The following UMODL1 variants were observed in gnomAD, a reference collection of about 807,000 sequenced individuals.
The protein encoded by UMODL1 is uromodulin like 1.
A neutral mutation model predicts 136.3 loss-of-function variants in UMODL1; 128 were observed. The observed-to-expected ratio is 0.94, with a 90% CI of 0.81 to 1.09. UMODL1 has a LOEUF of 1.09. UMODL1 is among the 50% of genes least tolerant of loss of function. The probability of loss-of-function intolerance (pLI) is 0.00; values close to 1 mark genes in which losing one functional copy is unlikely to be tolerated. For synonymous variants in UMODL1, 721 were observed against 720.0 expected (o/e 1.00, Z -0.02); for missense variants, 1,766 against 1,725.6 (o/e 1.02, Z -0.41).
chr21:42,101,579 G>C, intron 7 of UMODL1: 2 of 386,520 alleles, frequency 5.2e-6, no homozygotes, highest in Admixed American at 3.1e-5. Flanking sequence ...GTGCATGCTG[G>C]GTTTCCTTTC....
Position 42,137,432 on chromosome 21 carries a change from C to T in UMODL1, c.3776-7C>T. ...GATCTCTCACCTGTGCCTGTCTCCT[C>T]CCCGAGGTGAGCCTCCTCATGCAGA... On this transcript the variant is annotated splice_polypyrimidine_tract_variant and splice_region_variant and intron_variant, in intron 21 of 22. Coordinates refer to ENST00000408910, the MANE Select transcript of UMODL1 (RefSeq NM_001004416.3). 6.2e-7 allele frequency: 1 copy of T among 1,613,894 alleles called. No homozygotes were observed. The highest frequency in any genetic ancestry group is 8.5e-7 in the Non-Finnish European group (1 of 1,179,914).
intron 5 of UMODL1, 113 bp from the exon 6 acceptor site, chr21:42,090,185 G>A (rs934488142): frequency 7.2e-5 from 105 of 1,458,058 alleles, no homozygotes; most frequent in Non-Finnish European, 9.4e-5. Flanking sequence ...CCCCTCAACC[G>A]ACGTGGCACA....
chr21:42,075,978 G>T, intron 1 of UMODL1, 27 bp from the exon 2 acceptor site: 6 of 1,610,710 alleles, frequency 3.7e-6, no homozygotes, highest in Non-Finnish European at 5.1e-6. Context: ...GGTGTTCTCA[G>T]TCGCCTTCTT....
At chr21:42,072,929 G>T (rs1254646564) in intron 1 of UMODL1, among the ~76,000 whole-genome samples, 2 of 152,224 alleles carry the variant, frequency 1.3e-5, no homozygotes, top group Admixed American at 1.3e-4. Flanking sequence ...AAGAAGCCAG[G>T]CTTGGGATGG....
intron 2 of UMODL1, 34 bp from the exon 3 acceptor site, chr21:42,084,050 C>A: frequency 6.2e-7 from 1 of 1,603,830 alleles, no homozygotes; most frequent in Non-Finnish European, 8.5e-7. Flanking sequence ...TGTCTTTTAT[C>A]GCCAGTATCA....
At position 42,099,112 on chromosome 21, in the gene UMODL1, T is replaced by G; in HGVS notation, c.1118T>G (p.Leu373Arg). 2 of 1,614,052 alleles carry G rather than the reference T, an allele frequency of 1.2e-6. No individual in the cohort carries two copies. Among genetic ancestry groups the G allele is most frequent in the Non-Finnish European group, 1.7e-6 (2 of 1,180,000 alleles). ...LAVAGLEAGV[L>R]YRVKTSYQGC... ...GTGGCTGGGCTGGAGGCTGGAGTGC[T>G]GTACAGGGTGAAGACCAGCTACCAG... The change falls in exon 7 of 23, where the codon CTG (leucine) becomes CGG (arginine). Residue 373 changes from leucine (L) to arginine (R), a missense_variant. By Grantham distance (102) the Leu-to-Arg change is moderately radical. Coordinates refer to ENST00000408910, the MANE Select transcript of UMODL1 (RefSeq NM_001004416.3). The surrounding 1 kb of genome is among the most constrained non-coding windows in gnomAD (Gnocchi z 4.1).
intron 7 of UMODL1, among the ~76,000 whole-genome samples, chr21:42,100,265 G>A (rs950403881): frequency 1.1e-4 from 16 of 152,140 alleles, no homozygotes; most frequent in Non-Finnish European, 2.2e-4. Flanking sequence ...TCAGCAGAGC[G>A]TACAGAGCAT....
At position 42,085,109 on chromosome 21, in the gene UMODL1, A is replaced by G. The variant is rs1056179680; in HGVS notation, c.482-182A>G. Among the ~76,000 whole-genome samples the G allele has an allele frequency of 1.3e-5, 2 of 152,024 alleles. No homozygotes were observed. The highest frequency in any genetic ancestry group is 3.9e-4 in the East Asian group (2 of 5,178). ...AGGGACATTAGGATGGAGAGGAGCG[A>G]GGGGCGGGCAGTGAGGACATCCCCC... On this transcript the variant is annotated intron_variant, in intron 3 of 22. Coordinates refer to ENST00000408910, the MANE Select transcript of UMODL1 (RefSeq NM_001004416.3). This position sits in a 1 kb window ranked among gnomAD's most constrained non-coding sequence, Gnocchi z 4.5.
At chr21:42,129,678 A>T in intron 20 of UMODL1, 35 bp from the exon 21 acceptor site, 1 of 1,535,426 alleles carries the variant, frequency 6.5e-7, no homozygotes, top group Non-Finnish European at 8.8e-7. Flanking sequence ...TGTTCAATTA[A>T]TTTGACGTTT....
intron 1 of UMODL1, among the ~76,000 whole-genome samples, chr21:42,073,007 AGTGTGTGTGTGTGTGCGCGCGCGCGTGT>A (rs796806408): frequency 7.3e-5 from 11 of 151,114 alleles, no homozygotes; most frequent in African/African-American, 2.7e-4. Flanking sequence ...ACAGGAGATG[AGTGTGTGTGTGTGTGCGCGCGCGCGTGT>A]GTGTGTGTGC....
At chr21:42,081,672 C>T (rs2066363531) in intron 2 of UMODL1, among the ~76,000 whole-genome samples, 1 of 152,126 alleles carries the variant, frequency 6.6e-6, no homozygotes, top group Admixed American at 6.5e-5. Flanking sequence ...AGGGAAGTTG[C>T]AAAGATAATG....
rs773099640 is a variant in UMODL1 at position 42,076,231 on chromosome 21, C to A, written c.303C>A (p.Gly101=). Reference sequence around the variant, plus strand: ...GCTGTGAGGGCTATGAACAGCTCGGCCTCTACTGTGTCTTGCGTGAGTCCA... The same window carrying A: ...GCTGTGAGGGCTATGAACAGCTCGGACTCTACTGTGTCTTGCGTGAGTCCA... ...TDCCEGYEQL[G]LYCVLPLNQS... Residue 101 remains glycine (G), a synonymous_variant, in exon 2 of 23, where the codon GGC becomes GGA. Coordinates refer to ENST00000408910, the MANE Select transcript of UMODL1 (RefSeq NM_001004416.3). 57 of 1,614,120 alleles carry A rather than the reference C, an allele frequency of 3.5e-5. No individual in the cohort carries two copies. In the East Asian group the frequency reaches 1.1e-3, roughly 32 times the overall value.
intron 1 of UMODL1, among the ~76,000 whole-genome samples, chr21:42,073,743 G>A (rs936597676): frequency 6.6e-6 from 1 of 152,200 alleles, no homozygotes; most frequent in Admixed American, 6.5e-5. Context: ...CAGAGATGCT[G>A]CCCCAGTGGA....
chr21:42,135,562 G>C (rs2067194412), intron 21 of UMODL1, among the ~76,000 whole-genome samples: 1 of 152,190 alleles, frequency 6.6e-6, no homozygotes, highest in African/African-American at 2.4e-5. Flanking sequence ...TGCATCCTCA[G>C]GGCGGCACCC....
intron 6 of UMODL1, among the ~76,000 whole-genome samples, chr21:42,090,740 T>C (rs1222924009): frequency 6.6e-6 from 1 of 152,252 alleles, no homozygotes; most frequent in Non-Finnish European, 1.5e-5. Flanking sequence ...TTGTTAACAT[T>C]GTTCTCGAAC....
chr21:42,072,511 G>A (rs2066242760), intron 1 of UMODL1, among the ~76,000 whole-genome samples: 1 of 152,168 alleles, frequency 6.6e-6, no homozygotes, highest in Non-Finnish European at 1.5e-5. Context: ...AGCTGGAGAA[G>A]GTCTTAGGAG....
chr21:42,083,453 C>T (rs149896652), intron 2 of UMODL1, among the ~76,000 whole-genome samples: 2,725 of 152,346 alleles, frequency 0.018, 43 homozygotes, highest in Non-Finnish European at 0.026. Flanking sequence ...TCGGCCCCCA[C>T]CACACCCCAC....
In UMODL1 at chr21:42,109,638, C is replaced by T. The variant is rs760356841; in HGVS notation, c.1596C>T (p.Tyr532=). ...AAWCINLEGS[Y]TCQCRTTRDA... ...GGTGCATCAACCTGGAGGGCTCCTA[C>T]ACCTGCCAGTGCCGTACCACCAGGG... is the stretch of plus-strand genomic sequence containing the variant. The change falls in exon 10 of 23, where the codon TAC becomes TAT. Residue 532 remains tyrosine, a synonymous_variant. Coordinates refer to ENST00000408910, the MANE Select transcript of UMODL1 (RefSeq NM_001004416.3). The T allele has an allele frequency of 1.9e-6, 3 of 1,609,890 alleles. No homozygotes were observed. The highest frequency in any genetic ancestry group is 2.2e-5 in the East Asian group (1 of 44,870).
intron 6 of UMODL1, among the ~76,000 whole-genome samples, chr21:42,097,375 T>C (rs2066570816): frequency 6.6e-6 from 1 of 152,044 alleles, no homozygotes; most frequent in African/African-American, 2.4e-5. Flanking sequence ...GGACCAAGAT[T>C]CAAAGGAGGC....
Sources: gnomAD v4.1 joint callset for allele counts (sites outside exome capture counted in the v4.1 genomes callset) on GRCh38, gnomAD v4.1.1 for gene constraint, Gnocchi (gnomAD v3.1) non-coding constraint, MANE v1.5 for transcripts, NCBI Gene and HGNC (gene_info 2026-07-23, HGNC 2026-07-21) for gene names.